The following EHD1 variants were observed in gnomAD, a reference collection of about 807,000 sequenced individuals.
EHD1 encodes EH domain-containing protein 1.
EHD1 carries 19 observed loss-of-function variants against 39.0 expected under a neutral mutation model. The ratio of observed to expected loss-of-function variants is 0.49; its 90% CI spans 0.34 to 0.72. EHD1 has a LOEUF of 0.72. Ranked by LOEUF, EHD1 falls within the 30% of genes least tolerant of loss-of-function variation. The pLI, the probability that EHD1 is intolerant of heterozygous loss-of-function variation, is 0.01. For missense variants in EHD1, 542 were observed against 751.5 expected (o/e 0.72, Z 3.26); for synonymous variants, 323 against 331.2 (o/e 0.98, Z 0.27).
rs981645143 is a variant in EHD1, at chr11:64,868,001, G to T, written c.502+6420C>A. Among the ~76,000 whole-genome samples the T allele has an allele frequency of 6.0e-4, 91 of 152,202 alleles. 5 individuals carry two copies. On this transcript the variant is annotated intron_variant, in intron 2 of 4. Transcript: ENST00000320631. This position sits in a 1 kb window ranked among gnomAD's most constrained non-coding sequence, Gnocchi z 4.2. ...CTGGCCTTACAGGGTCTGCCTTCCT[G>T]AGAACAGCTGGACCATGTTTCCCGC...
upstream of EHD1, chr11:64,879,544 C>T: frequency 1.3e-6 from 2 of 1,544,064 alleles, no homozygotes; most frequent in Non-Finnish European, 1.7e-6. Context: ...CCAAATACTT[C>T]CACTTTCCTC....
At chr11:64,869,314 G>A (rs1048667807) in intron 2 of EHD1, among the ~76,000 whole-genome samples, 1 of 152,246 alleles carries the variant, frequency 6.6e-6, no homozygotes, top group South Asian at 2.1e-4. Flanking sequence ...ATCCTGGCCT[G>A]CTGGGCCACA....
chr11:64,867,969 C>A (rs1943786330), intron 2 of EHD1, among the ~76,000 whole-genome samples: 1 of 152,166 alleles, frequency 6.6e-6, no homozygotes, highest in Non-Finnish European at 1.5e-5. Flanking sequence ...GCGCCCCTCT[C>A]CAGGCGCTGG....
At position 64,860,031 on chromosome 11, in the gene EHD1, G is replaced by A; in HGVS notation, c.808C>T (p.Leu270Phe). ...HPLLIPDNRKLFEAEEQDLFK... is the reference protein window; with the variant it reads ...HPLLIPDNRKFFEAEEQDLFK... Reference sequence around the variant, plus strand: ...AGGTCCTGCTCCTCGGCCTCAAAGAGCTTGCGGTTGTCGGGGATGAGGAGC... The same window carrying A: ...AGGTCCTGCTCCTCGGCCTCAAAGAACTTGCGGTTGTCGGGGATGAGGAGC... The change falls in exon 3 of 5, where the codon CTC becomes TTC. Residue 270 changes from leucine (L) to phenylalanine (F), a missense_variant. Transcript: ENST00000320631. The A allele has an allele frequency of 1.2e-6, 2 of 1,614,110 alleles. No homozygotes were observed. Among genetic ancestry groups the A allele is most frequent in the Non-Finnish European group, 1.7e-6 (2 of 1,180,028 alleles).
In EHD1 at chr11:64,854,877, G is replaced by A; in HGVS notation, c.1081-20C>T. 3 of 1,592,524 alleles carry A rather than the reference G, an allele frequency of 1.9e-6. No homozygotes were observed. Among genetic ancestry groups the A allele is most frequent in the South Asian group, 1.1e-5 (1 of 90,736 alleles). ...GAGTTCCTGTGGGCGGGGGAGGAAG[G>A]ACAAGGGCTGGGAAGGGAGGCCCCT... On this transcript the variant is annotated intron_variant, in intron 4 of 4. Coordinates refer to ENST00000320631, the MANE Select transcript of EHD1 (RefSeq NM_006795.4).
chr11:64,869,534 T>G (rs1943805625), intron 2 of EHD1, among the ~76,000 whole-genome samples: 1 of 152,250 alleles, frequency 6.6e-6, no homozygotes, highest in Admixed American at 6.5e-5. Flanking sequence ...AACACTTAAC[T>G]GTGCACCAGG....
In EHD1 at chr11:64,878,539, G is replaced by A. The variant is rs1405425809; in HGVS notation, c.-75C>T. ...CGGGGCGAGGGTGCGGAGCCGAGGCGGGGCCGGCCGGGGCAGGGAATCGGG... is the reference window on the plus strand; with the variant it reads ...CGGGGCGAGGGTGCGGAGCCGAGGCAGGGCCGGCCGGGGCAGGGAATCGGG... On this transcript the variant is annotated 5_prime_UTR_variant, in exon 1 of 5. Coordinates refer to ENST00000320631, the MANE Select transcript of EHD1 (RefSeq NM_006795.4). The A allele has an allele frequency of 2.0e-6, 3 of 1,480,328 alleles. No individual in the cohort carries two copies. Among genetic ancestry groups the A allele is most frequent in the African/African-American group, 2.8e-5 (2 of 71,622 alleles). 91.7% of individuals were successfully genotyped at this position (1,480,328 alleles called of 1,614,324 possible).
At chr11:64,877,000 G>T (rs1226037268) in intron 1 of EHD1, among the ~76,000 whole-genome samples, 1 of 152,230 alleles carries the variant, frequency 6.6e-6, no homozygotes, top group East Asian at 1.9e-4. Context: ...GATGGCGTCT[G>T]GAAAGGAATG....
Position 64,860,077 on chromosome 11 carries a change from G to C in EHD1, c.762C>G (p.Ile254Met). Residue 254 changes from isoleucine to methionine, a missense_variant, in exon 3 of 5, where the codon ATC (isoleucine) becomes ATG (methionine). Physicochemically the swap from Ile to Met is conservative, Grantham distance 10. Transcript: ENST00000320631. The part of the protein sequence containing the change: ...INTPEVVRVY[I>M]GSFWSHPLLI... The stretch of plus-strand genomic sequence containing the variant: ...GGAGCGGGTGGGACCAGAAGGAGCC[G>C]ATGTAGACCCTGACCACCTCGGGGG... The C allele has an allele frequency of 6.2e-7, 1 of 1,614,152 alleles. No homozygotes were observed. The highest frequency in any genetic ancestry group is 1.1e-5 in the South Asian group (1 of 91,074).
intron 1 of EHD1, among the ~76,000 whole-genome samples, chr11:64,877,300 G>C (rs577607566): frequency 7.2e-5 from 11 of 152,294 alleles, no homozygotes; most frequent in Non-Finnish European, 5.9e-5. Context: ...CTCGCGTGCA[G>C]AGGCCACTTA....
In EHD1 at chr11:64,860,302, C is replaced by A. The variant is rs367741962; in HGVS notation, c.537G>T (p.Ala179=). 4 of 1,613,582 alleles carry A rather than the reference C, an allele frequency of 2.5e-6. No individual in the cohort carries two copies. Among genetic ancestry groups the A allele is most frequent in the Non-Finnish European group, 3.4e-6 (4 of 1,179,984 alleles). The stretch of plus-strand genomic sequence containing the variant: ...GCAGGATGATGCGGTCCACACGCTC[C>A]GCGAACCACTCCAGGACGGCTGCAA... ...YDFAAVLEWF[A]ERVDRIILLF... Residue 179 remains alanine (A), a synonymous_variant, in exon 3 of 5, where the codon GCG becomes GCT. Transcript: ENST00000320631.
At chr11:64,869,520 C>T (rs1329798174) in intron 2 of EHD1, among the ~76,000 whole-genome samples, 3 of 152,242 alleles carry the variant, frequency 2.0e-5, no homozygotes, top group African/African-American at 7.2e-5. Flanking sequence ...CCAGCTGACA[C>T]TTGAACACTT....
Position 64,874,467 on chromosome 11 carries a change from G to A in EHD1, c.456C>T (p.Ile152=), listed in dbSNP as rs1289187860. Reference sequence around the variant, plus strand: ...CTCCAGACAGGATCCCGGGGGTGTCGATGATGCTGATGCTGTCCAGGACGG... The same window carrying A: ...CTCCAGACAGGATCCCGGGGGTGTCAATGATGCTGATGCTGTCCAGGACGG... The part of the protein sequence containing the change: ...PNPVLDSISI[I]DTPGILSGEK... Residue 152 remains isoleucine (I), a synonymous_variant, in exon 2 of 5, where the codon ATC becomes ATT. Transcript: ENST00000320631. 8 of 1,611,294 alleles carry A rather than the reference G, an allele frequency of 5.0e-6. No homozygotes were observed. Among genetic ancestry groups the A allele is most frequent in the South Asian group, 1.1e-5 (1 of 90,288 alleles).
chr11:64,879,655 C>T (rs1316155779), upstream of EHD1: 3 of 1,550,924 alleles, frequency 1.9e-6, no homozygotes, highest in African/African-American at 1.4e-5. Flanking sequence ...CGCCATCCTC[C>T]CCGGCCACAC....
At chr11:64,877,088 A>T (rs745735929) in intron 1 of EHD1, among the ~76,000 whole-genome samples, 3 of 152,200 alleles carry the variant, frequency 2.0e-5, no homozygotes, top group Non-Finnish European at 4.4e-5. Flanking sequence ...AGAATTATGA[A>T]AGGCATGTGG....
intron 2 of EHD1, among the ~76,000 whole-genome samples, chr11:64,861,024 A>AG (rs1943711061): frequency 6.6e-6 from 1 of 150,492 alleles, no homozygotes; most frequent in African/African-American, 2.4e-5. Context: ...CATCTCAAAA[A>AG]AAAAAAAAAA....
At chr11:64,873,756 A>T (rs192645179) in intron 2 of EHD1, among the ~76,000 whole-genome samples, 1 of 150,760 alleles carries the variant, frequency 6.6e-6, no homozygotes, top group African/African-American at 2.4e-5. Context: ...GGCTCACTGC[A>T]AGCTCTACCT....
chr11:64,855,698 C>T, intron 3 of EHD1: 1 of 638,054 alleles, frequency 1.6e-6, no homozygotes, highest in Non-Finnish European at 2.7e-6. Context: ...TCCACTGCCA[C>T]AGGACAGAGG....
chr11:64,857,910 C>T (rs1565716962), intron 3 of EHD1, among the ~76,000 whole-genome samples: 2 of 152,196 alleles, frequency 1.3e-5, no homozygotes, highest in Admixed American at 6.5e-5. Context: ...GGGCAAGCAC[C>T]CTGCTCTGTT....
Sources: gnomAD v4.1 joint callset for allele counts (sites outside exome capture counted in the v4.1 genomes callset) on GRCh38, gnomAD v4.1.1 for gene constraint, Gnocchi (gnomAD v3.1) non-coding constraint, MANE v1.5 for transcripts, NCBI Gene and HGNC (gene_info 2026-07-23, HGNC 2026-07-21) for gene names.